Variants in CLN6 observed in about 807,000 individuals in gnomAD.
CLN6 encodes the protein CLN6 transmembrane ER protein.
Under a neutral mutation model 33.3 loss-of-function variants are expected in CLN6, and 22 were observed. That is an observed-to-expected ratio of 0.66 (90% CI 0.47 to 0.94). CLN6 has a LOEUF of 0.94. Among genes scored for constraint, CLN6 ranks in the 40% least tolerant of loss-of-function variants. CLN6 has a pLI of 0.00. For synonymous variants in CLN6, 201 were observed against 174.6 expected, an observed-to-expected ratio of 1.15 and a Z score of -1.19; for missense variants, 387 against 417.1, an observed-to-expected ratio of 0.93 and a Z score of 0.63.
chr15:68,212,849 C>A (rs757708161), intron 3 of CLN6: 29 of 152,062 alleles, frequency 1.9e-4, no homozygotes, highest in African/African-American at 7.0e-4. Flanking sequence ...ACATACACAG[C>A]CTGAAGTTAA....
In CLN6 at chr15:68,241,585, G is replaced by A. The variant is rs1892280823; in HGVS notation, c.179+15105C>T. ...GAAGCATCATGATTGCCTGAAGGAA[G>A]AAATATCTCTGAGGACACTGAGAGA... On this transcript the variant is annotated intron_variant, in intron 1 of 6. Coordinates refer to the CLN6 transcript ENST00000538696. The surrounding 1 kb of genome is among the most constrained non-coding windows in gnomAD (Gnocchi z 4.2). Among the ~76,000 whole-genome samples, 1 of 151,832 alleles carries A rather than the reference G, an allele frequency of 6.6e-6. No individual in the cohort carries two copies. The highest frequency in any genetic ancestry group is 2.4e-5 in the African/African-American group (1 of 41,422).
rs1201313476 is a variant in CLN6 at position 68,220,696 on chromosome 15, C to T, written c.84-2046G>A. The stretch of plus-strand genomic sequence containing the variant: ...CATGATCTGGCCATATGAGCCAACA[C>T]ATTCCTTTTTGCTAAGGATGGTGCA... On this transcript the variant is annotated intron_variant, in intron 1 of 6. Coordinates refer to ENST00000249806, the MANE Select transcript of CLN6 (RefSeq NM_017882.3). The surrounding 1 kb of genome is among the most constrained non-coding windows in gnomAD (Gnocchi z 4.2). Among the ~76,000 whole-genome samples, 1 of 152,246 alleles carries T rather than the reference C, an allele frequency of 6.6e-6. No individual in the cohort carries two copies. The highest frequency in any genetic ancestry group is 1.9e-4 in the East Asian group (1 of 5,200).
chr15:68,229,415 C>T (rs1243648622), intron 1 of CLN6, 87 bp downstream of exon 1: 6 of 1,091,460 alleles, frequency 5.5e-6, no homozygotes, highest in Non-Finnish European at 6.2e-6. Flanking sequence ...GGTTCCCGCC[C>T]GGCAGCCCTA....
At chr15:68,222,122 A>AGG (rs1424445798) in intron 1 of CLN6, among the ~76,000 whole-genome samples, 1 of 134,726 alleles carries the variant, frequency 7.4e-6, no homozygotes. Flanking sequence ...GGATGTGAGG[A>AGG]GCCCTTCTGC....
chr15:68,229,339 G>A (rs1413185855), intron 1 of CLN6, among the ~76,000 whole-genome samples, 163 bp downstream of exon 1: 1 of 152,158 alleles, frequency 6.6e-6, no homozygotes, highest in Non-Finnish European at 1.5e-5. Flanking sequence ...CGGGGGCACC[G>A]CCGCCACGGT....
chr15:68,216,299 A>G (rs2093220507), intron 2 of CLN6, among the ~76,000 whole-genome samples: 1 of 152,220 alleles, frequency 6.6e-6, no homozygotes, highest in South Asian at 2.1e-4. Context: ...GGTTCAGAGC[A>G]GCCAGTCCAG....
intron 2 of CLN6, chr15:68,214,663 C>T: frequency 2.4e-6 from 1 of 423,794 alleles, no homozygotes; most frequent in Non-Finnish European, 4.5e-6. Context: ...CTGTGCCCCT[C>T]ACCCAGCAGA....
upstream of CLN6, among the ~76,000 whole-genome samples, chr15:68,233,321 G>A (rs1232504001): frequency 6.6e-6 from 1 of 151,972 alleles, no homozygotes; most frequent in Non-Finnish European, 1.5e-5. This position sits in a 1 kb window ranked among gnomAD's most constrained non-coding sequence, Gnocchi z 4.3. Flanking sequence ...GGGGGGTGGT[G>A]CCCTGAGTGA....
chr15:68,251,675 AAAAC>A (rs60310067), intron 1 of CLN6, among the ~76,000 whole-genome samples: 14 of 150,454 alleles, frequency 9.3e-5, no homozygotes, highest in Non-Finnish European at 1.0e-4. Context: ...ACACTGTCTC[AAAAC>A]AAACAAACAA....
rs1048155541 is a variant in CLN6, at chr15:68,256,785, T to C, written c.84A>G (p.Gly28=). 1.5e-4 allele frequency: 108 copies of C among 699,972 alleles called. 3 individuals are homozygous for C. The Admixed American group carries it at 2.0e-3, about 13-fold the overall frequency. The allele number at this position is 699,972 out of a possible 1,614,324, so 43.4% of individuals were successfully genotyped here. A position where few individuals can be genotyped will look rare whatever the true frequency, so the allele number is the denominator to read the frequency against. ...AGGCTCGGCTCAAGCCCGCCTCGCC[T>C]CCCTCCCTCCTAGGGATGGCTCCCA... is the stretch of plus-strand genomic sequence containing the variant. Residue 28 remains glycine, a synonymous_variant, in exon 1 of 7, where the codon GGA becomes GGG. Transcript: ENST00000538696. The surrounding 1 kb of genome is among the most constrained non-coding windows in gnomAD (Gnocchi z 4.1).
rs1320510344 is a variant in CLN6 at position 68,209,713 on chromosome 15, A to C, written c.589T>G (p.Phe197Val). ...AAGCTCTCAGCTTTAGAGGCAGTAA[A>C]GCAGCCGCTGAAGTACATGAAGAGG... ...LILFMYFSGC[F>V]TASKAESLIP... is the part of the protein sequence containing the mutation. The change falls in exon 6 of 7, where the codon TTT becomes GTT. Residue 197 changes from phenylalanine (F) to valine (V), a missense_variant. By Grantham distance (50) the Phe-to-Val change is conservative. Coordinates refer to ENST00000249806, the MANE Select transcript of CLN6 (RefSeq NM_017882.3). This position sits in a 1 kb window ranked among gnomAD's most constrained non-coding sequence, Gnocchi z 4.9. 1 of 1,613,858 alleles carries C rather than the reference A, an allele frequency of 6.2e-7. No homozygotes were observed. Among genetic ancestry groups the C allele is most frequent in the African/African-American group, 1.3e-5 (1 of 75,044 alleles).
At chr15:68,224,873 A>G (rs8040883) in intron 1 of CLN6, among the ~76,000 whole-genome samples, 84,272 of 151,938 alleles carry the variant, frequency 0.55, 24,021 homozygotes, top group African/African-American at 0.63. Flanking sequence ...ACAATGGCAG[A>G]TAACCTGAAA....
At chr15:68,255,047 G>A (rs2141168401) in intron 1 of CLN6, 5 of 615,070 alleles carry the variant, frequency 8.1e-6, no homozygotes, top group Admixed American at 7.6e-5. Flanking sequence ...ACTTCACTGT[G>A]TTTTTTGGGA....
At chr15:68,235,624 A>G (rs1892213877) in intron 1 of CLN6, among the ~76,000 whole-genome samples, 5 of 138,606 alleles carry the variant, frequency 3.6e-5, no homozygotes, top group Admixed American at 3.6e-4. Flanking sequence ...ATATATATAT[A>G]TATATATATC....
At position 68,221,795 on chromosome 15, in the gene CLN6, C is replaced by T. The variant is rs909330914; in HGVS notation, c.84-3145G>A. Among the ~76,000 whole-genome samples the T allele has an allele frequency of 2.6e-4, 39 of 148,192 alleles. 1 individual carries two copies. Among genetic ancestry groups the T allele is most frequent in the Non-Finnish European group, 1.2e-4 (8 of 67,226 alleles). Reference sequence around the variant, plus strand: ...GTCTGGGATGTGAGGAGCGCCTCTGCCCGGCCGCCCCGTCTGGGAAGTGAG... The same window carrying T: ...GTCTGGGATGTGAGGAGCGCCTCTGTCCGGCCGCCCCGTCTGGGAAGTGAG... On this transcript the variant is annotated intron_variant, in intron 1 of 6. Coordinates refer to ENST00000249806, the MANE Select transcript of CLN6 (RefSeq NM_017882.3).
At chr15:68,225,873 T>TGAGGCA (rs1296775446) in intron 1 of CLN6, among the ~76,000 whole-genome samples, 9 of 151,924 alleles carry the variant, frequency 5.9e-5, no homozygotes, top group Non-Finnish European at 1.3e-4. Context: ...CTCGGGAGGC[T>TGAGGCA]GAGGCAGAAT....
upstream of CLN6, among the ~76,000 whole-genome samples, chr15:68,232,310 A>T (rs1404740419): frequency 6.6e-6 from 1 of 152,042 alleles, no homozygotes; most frequent in East Asian, 1.9e-4. The surrounding 1 kb of genome is among the most constrained non-coding windows in gnomAD (Gnocchi z 4.7). Flanking sequence ...GGCATGCACC[A>T]CCACGCCTGG....
chr15:68,211,716 G>C lies in CLN6; in HGVS notation c.445C>G (p.Arg149Gly), dbSNP rs747229909. The C allele has an allele frequency of 2.5e-6, 4 of 1,613,806 alleles. No homozygotes were observed. Among genetic ancestry groups the C allele is most frequent in the Non-Finnish European group, 3.4e-6 (4 of 1,180,020 alleles). Residue 149 changes from arginine to glycine, a missense_variant, in exon 4 of 7, where the codon CGT becomes GGT. Coordinates refer to ENST00000249806, the MANE Select transcript of CLN6 (RefSeq NM_017882.3). This position sits in a 1 kb window ranked among gnomAD's most constrained non-coding sequence, Gnocchi z 5.9. Reference protein sequence around the residue: ...FSGYQHHLSVRENPIIKNLKP... With the variant: ...FSGYQHHLSVGENPIIKNLKP... Reference sequence around the variant, plus strand: ...AGATTCTTGATGATGGGGTTCTCACGGACAGACAGGTGGTGCTGGTAGCCA... The same window carrying C: ...AGATTCTTGATGATGGGGTTCTCACCGACAGACAGGTGGTGCTGGTAGCCA...
chr15:68,252,551 T>C (rs1892391552), intron 1 of CLN6, among the ~76,000 whole-genome samples: 1 of 152,206 alleles, frequency 6.6e-6, no homozygotes, highest in African/African-American at 2.4e-5. Context: ...TGGTACAATC[T>C]TGAAAAACAC....
Sources: allele counts gnomAD v4.1 joint callset (sites outside exome capture counted in the v4.1 genomes callset), GRCh38; gene constraint gnomAD v4.1.1; non-coding constraint Gnocchi (gnomAD v3.1); transcripts MANE v1.5; gene names NCBI Gene and HGNC (gene_info 2026-07-23, HGNC 2026-07-21).